The following ADGRV1 variants were observed in gnomAD, a reference collection of about 807,000 sequenced individuals.
ADGRV1 encodes the protein adhesion G protein-coupled receptor V1.
A neutral mutation model predicts 596.2 loss-of-function variants in ADGRV1; 359 were observed. That is an observed-to-expected ratio of 0.60 (90% CI 0.55 to 0.66). ADGRV1 has a LOEUF of 0.66. ADGRV1 is among the 30% of genes least tolerant of loss of function. The pLI is 0.00. For synonymous variants in ADGRV1, 2,681 were observed against 2,679.2 expected (o/e 1.00, Z -0.02); for missense variants, 7,274 against 7,575.6 (o/e 0.96, Z 1.48).
At position 90,824,201 on chromosome 5, in the gene ADGRV1, G is replaced by A. The variant is rs543083018; in HGVS notation, c.16368+605G>A. Among the ~76,000 whole-genome samples, 13 of 152,132 alleles carry A rather than the reference G, an allele frequency of 8.5e-5. No individual in the cohort carries two copies. The South Asian group carries it at 2.3e-3, about 27-fold the overall frequency. On this transcript the variant is annotated intron_variant, in intron 76 of 89. Transcript: ENST00000405460. Reference sequence around the variant, plus strand: ...TCTTTTTGGTATTCAAATAGTCATGGCATGGCCACTGGTAGTCTTATTAAG... The same window carrying A: ...TCTTTTTGGTATTCAAATAGTCATGACATGGCCACTGGTAGTCTTATTAAG...
At chr5:90,937,985 G>A (rs1775856126) in intron 83 of ADGRV1, among the ~76,000 whole-genome samples, 1 of 151,966 alleles carries the variant, frequency 6.6e-6, no homozygotes, top group Non-Finnish European at 1.5e-5. Flanking sequence ...TTTATTAATT[G>A]CCTTTTATTT....
Position 90,679,690 on chromosome 5 carries a change from G to C in ADGRV1, c.5524+61G>C. The C allele has an allele frequency of 4.4e-6, 5 of 1,125,086 alleles. 1 individual carries two copies. The South Asian group carries it at 6.7e-5, about 15-fold the overall frequency. 69.7% of individuals were successfully genotyped at this position (1,125,086 alleles called of 1,614,324 possible). ...GTTTTTATTTTAACTTCTCATTTTA[G>C]AGACAATACTAACCACTTATTGACA... is the stretch of plus-strand genomic sequence containing the variant. On this transcript the variant is annotated intron_variant, in intron 26 of 89. Transcript: ENST00000405460.
intron 4 of ADGRV1, 28 bp from the exon 5 acceptor site, chr5:90,622,569 G>C (rs752430578): frequency 8.7e-7 from 1 of 1,153,740 alleles, no homozygotes; most frequent in South Asian, 2.2e-5. Context: ...CTCAGCTCCT[G>C]ATCATCTGTG....
At chr5:90,698,615 A>C (rs1429382523) in intron 34 of ADGRV1, among the ~76,000 whole-genome samples, 1 of 152,138 alleles carries the variant, frequency 6.6e-6, no homozygotes, top group African/African-American at 2.4e-5. Flanking sequence ...GAGGGAAGGA[A>C]ATTAGTGAGA....
chr5:90,586,296 C>T (rs1444093876), intron 1 of ADGRV1, among the ~76,000 whole-genome samples: 1 of 152,152 alleles, frequency 6.6e-6, no homozygotes, highest in Non-Finnish European at 1.5e-5. Context: ...TGCTTTTATC[C>T]TACCTAGCAA....
intron 59 of ADGRV1, among the ~76,000 whole-genome samples, chr5:90,763,781 G>A (rs1756775358): frequency 6.6e-6 from 1 of 152,162 alleles, no homozygotes; most frequent in South Asian, 2.1e-4. Context: ...CATGGTATTT[G>A]ATTTTCTGTT....
chr5:91,115,210 T>C (rs1247429520), intron 87 of ADGRV1, among the ~76,000 whole-genome samples: 3 of 152,192 alleles, frequency 2.0e-5, no homozygotes, highest in Admixed American at 2.0e-4. Context: ...TGTAAAAACA[T>C]TTTTCTCCAG....
At chr5:90,979,590 T>C (rs74555277) in intron 84 of ADGRV1, among the ~76,000 whole-genome samples, 1,608 of 152,334 alleles carry the variant, frequency 0.011, 13 homozygotes, top group Non-Finnish European at 0.018. Context: ...TATGCTGTTC[T>C]TTCATTGCCT....
intron 1 of ADGRV1, among the ~76,000 whole-genome samples, chr5:90,604,181 A>G (rs1056665842): frequency 1.3e-5 from 2 of 152,056 alleles, no homozygotes; most frequent in African/African-American, 4.8e-5. Context: ...TGAAATCTAC[A>G]AATTTTAAAT....
At chr5:91,075,531 T>C (rs1324746838) in intron 86 of ADGRV1, among the ~76,000 whole-genome samples, 1 of 152,184 alleles carries the variant, frequency 6.6e-6, no homozygotes, top group Non-Finnish European at 1.5e-5. Flanking sequence ...TGTATCTTAA[T>C]GAGGGAACCC....
At chr5:90,788,894 T>A (rs199820162) in intron 68 of ADGRV1, among the ~76,000 whole-genome samples, 142 of 132,176 alleles carry the variant, frequency 1.1e-3, no homozygotes, top group African/African-American at 4.1e-3. Flanking sequence ...ACACACACAC[T>A]CACACACACA....
intron 87 of ADGRV1, among the ~76,000 whole-genome samples, chr5:91,133,031 G>A (rs1414509724): frequency 6.6e-6 from 1 of 152,194 alleles, no homozygotes; most frequent in Non-Finnish European, 1.5e-5. Flanking sequence ...AATTATTATA[G>A]GAGAGGAGGG....
At chr5:90,579,968 A>G (rs1430726309) in intron 1 of ADGRV1, among the ~76,000 whole-genome samples, 1 of 151,916 alleles carries the variant, frequency 6.6e-6, no homozygotes, top group South Asian at 2.1e-4. Context: ...TGCTTGGTAG[A>G]TCTTCCTCCG....
intron 70 of ADGRV1, among the ~76,000 whole-genome samples, chr5:90,796,490 C>T (rs1035475658): frequency 2.6e-5 from 4 of 151,256 alleles, no homozygotes; most frequent in African/African-American, 7.3e-5. Context: ...GAAAAGACTA[C>T]GTTTGATTGG....
chr5:90,985,062 G>T (rs1246232983), intron 84 of ADGRV1, among the ~76,000 whole-genome samples: 1 of 152,302 alleles, frequency 6.6e-6, no homozygotes, highest in East Asian at 1.9e-4. Context: ...ATAGAAGATT[G>T]TAACTGAGAG....
intron 83 of ADGRV1, among the ~76,000 whole-genome samples, chr5:90,905,886 T>G (rs1262345143): frequency 6.6e-6 from 1 of 152,090 alleles, no homozygotes; most frequent in Non-Finnish European, 1.5e-5. Flanking sequence ...GTGGCTTTAT[T>G]GCATTGAGAT....
chr5:90,648,236 T>C (rs16868927), intron 17 of ADGRV1, among the ~76,000 whole-genome samples: 23,860 of 152,090 alleles, frequency 0.16, 2,037 homozygotes, highest in East Asian at 0.35. Context: ...TGAATGACAA[T>C]CTGCAAGTGA....
At chr5:90,757,382 C>A (rs1561668798) in intron 57 of ADGRV1, among the ~76,000 whole-genome samples, 1 of 152,076 alleles carries the variant, frequency 6.6e-6, no homozygotes, top group Non-Finnish European at 1.5e-5. Flanking sequence ...AACCCCCGCC[C>A]CAGTTTTATT....
intron 1 of ADGRV1, among the ~76,000 whole-genome samples, chr5:90,599,104 G>A (rs985326474): frequency 6.6e-6 from 1 of 152,102 alleles, no homozygotes; most frequent in African/African-American, 2.4e-5. Flanking sequence ...GAGGCTTAAG[G>A]TAAGAAAAGA....
Sources: gnomAD v4.1 joint callset for allele counts (sites outside exome capture counted in the v4.1 genomes callset) on GRCh38, gnomAD v4.1.1 for gene constraint, MANE v1.5 for transcripts, NCBI Gene and HGNC (gene_info 2026-07-23, HGNC 2026-07-21) for gene names.